The following CHST9 variants were observed in gnomAD, a reference collection of about 807,000 sequenced individuals.
CHST9 encodes GalNAc-4-sulfotransferase 2.
CHST9 carries 41 observed loss-of-function variants against 44.4 expected under a neutral mutation model. That is an observed-to-expected ratio of 0.92 (90% CI 0.72 to 1.20). CHST9 has a LOEUF of 1.20. CHST9 is among the 50% of genes most tolerant of loss of function. The pLI is 0.00. For synonymous variants in CHST9, 171 were observed against 178.4 expected, an observed-to-expected ratio of 0.96 and a Z score of 0.33; for missense variants, 504 against 516.5, an observed-to-expected ratio of 0.98 and a Z score of 0.23.
rs2055412531 is a variant in CHST9, at chr18:26,909,562, C to T, written c.*6697G>A. 1.3e-5 allele frequency: 2 copies of T among 152,140 alleles called. No individual in the cohort carries two copies. Among genetic ancestry groups the T allele is most frequent in the Admixed American group, 1.3e-4 (2 of 15,272 alleles). 9.4% of individuals were successfully genotyped at this position (152,140 alleles called of 1,614,324 possible). A position where few individuals can be genotyped will look rare whatever the true frequency, so the allele number is the denominator to read the frequency against. The stretch of plus-strand genomic sequence containing the variant: ...AATATTGTTCTTTTAAGTTGGTAGA[C>T]ACTCTAGCATTCTGAGTGCATTTTT... On this transcript the variant is annotated 3_prime_UTR_variant, in exon 6 of 6. Transcript: ENST00000618847.
intron 2 of CHST9, among the ~76,000 whole-genome samples, chr18:27,049,835 G>A (rs2057544796): frequency 6.6e-6 from 1 of 152,184 alleles, no homozygotes; most frequent in African/African-American, 2.4e-5. Flanking sequence ...GGCTGAAGCT[G>A]AAGGAGTGAA....
rs2055491102 is a variant in CHST9, at chr18:26,914,890, G to T, written c.*1369C>A. On this transcript the variant is annotated 3_prime_UTR_variant, in exon 6 of 6. Coordinates refer to ENST00000618847, the MANE Select transcript of CHST9 (RefSeq NM_031422.6). ...AAAAGCATTTAAGCAGGGTTTGAAA[G>T]ACTTGTGATTTTCTTAACTCGGGGT... 2.5e-6 allele frequency: 1 copy of T among 397,830 alleles called. No homozygotes were observed. Among genetic ancestry groups the T allele is most frequent in the Non-Finnish European group, 4.4e-6 (1 of 225,538 alleles). The allele number at this position is 397,830 out of a possible 1,614,324, so 24.6% of individuals were successfully genotyped here. A position where few individuals can be genotyped will look rare whatever the true frequency, so the allele number is the denominator to read the frequency against.
intron 4 of CHST9, among the ~76,000 whole-genome samples, chr18:26,986,028 A>G (rs1473102904): frequency 6.6e-6 from 1 of 152,232 alleles, no homozygotes; most frequent in Non-Finnish European, 1.5e-5. Flanking sequence ...TAGGAATACA[A>G]AAACATCCAA....
intron 4 of CHST9, among the ~76,000 whole-genome samples, chr18:26,985,216 T>C (rs892809361): frequency 6.6e-6 from 1 of 152,130 alleles, no homozygotes; most frequent in Non-Finnish European, 1.5e-5. Context: ...TTCATAAGCA[T>C]ATGATTAAGC....
chr18:27,141,366 AAAAC>A (rs1163754520), intron 2 of CHST9, among the ~76,000 whole-genome samples: 1 of 151,820 alleles, frequency 6.6e-6, no homozygotes, highest in Non-Finnish European at 1.5e-5. Context: ...CTCTGTCTCA[AAAAC>A]AAACAAACAA....
Position 26,944,426 on chromosome 18 carries a change from A to G in CHST9, c.203-60T>C, listed in dbSNP as rs1480897564. On this transcript the variant is annotated intron_variant, in intron 4 of 5. Coordinates refer to ENST00000618847, the MANE Select transcript of CHST9 (RefSeq NM_031422.6). ...AGCATGAAAATGAATAAAATGCGGT[A>G]CTGATGCTGCTCTGTTTACAGTAAA... 10 of 1,192,472 alleles carry G rather than the reference A, an allele frequency of 8.4e-6. No homozygotes were observed. In the East Asian group the frequency reaches 2.3e-4, roughly 28 times the overall value. 73.9% of individuals were successfully genotyped at this position (1,192,472 alleles called of 1,614,324 possible). A position where few individuals can be genotyped will look rare whatever the true frequency, so the allele number is the denominator to read the frequency against.
chr18:27,119,113 G>A (rs2058353554), intron 2 of CHST9, among the ~76,000 whole-genome samples: 1 of 152,066 alleles, frequency 6.6e-6, no homozygotes, highest in African/African-American at 2.4e-5. Flanking sequence ...GGGTTGATTA[G>A]AGTTGCCACT....
intron 1 of CHST9, among the ~76,000 whole-genome samples, chr18:27,167,286 C>T (rs556467049): frequency 4.6e-5 from 7 of 152,018 alleles, no homozygotes; most frequent in Admixed American, 2.0e-4. Context: ...AAAACTCTTA[C>T]GTCTGCCTTT....
intron 1 of CHST9, among the ~76,000 whole-genome samples, chr18:27,181,722 T>C (rs1285198619): frequency 6.6e-5 from 10 of 152,250 alleles, no homozygotes; most frequent in African/African-American, 2.2e-4. Context: ...TAAAGTGGGA[T>C]TGAATTTCTC....
Position 26,906,929 on chromosome 18 carries a change from G to A in CHST9, c.*9330C>T, listed in dbSNP as rs2055379240. ...GTATTATGTCCATTCTAGGCTGTTG[G>A]AGATTAAGCCAGGAGGCAGAAAATG... On this transcript the variant is annotated 3_prime_UTR_variant, in exon 6 of 6. Transcript: ENST00000618847. 6.6e-6 allele frequency: 1 copy of A among 152,370 alleles called. No individual in the cohort carries two copies. The highest frequency in any genetic ancestry group is 1.5e-5 in the Non-Finnish European group (1 of 68,096). 9.4% of individuals were successfully genotyped at this position (152,370 alleles called of 1,614,324 possible). A position where few individuals can be genotyped will look rare whatever the true frequency, so the allele number is the denominator to read the frequency against.
At position 27,144,061 on chromosome 18, in the gene CHST9, A is replaced by G. The variant is rs141762882; in HGVS notation, c.-96-1156T>C. On this transcript the variant is annotated intron_variant, in intron 1 of 5. Coordinates refer to ENST00000618847, the MANE Select transcript of CHST9 (RefSeq NM_031422.6). ...AGTAAGCCGTGTGGTGAGCTCACCT[A>G]GTTAGCAGCCCGGCTAATGGGGCCA... Among the ~76,000 whole-genome samples, 10 of 152,340 alleles carry G rather than the reference A, an allele frequency of 6.6e-5. No homozygotes were observed. The East Asian group carries it at 1.9e-3, about 29-fold the overall frequency.
At chr18:26,995,318 G>T (rs545188896) in intron 4 of CHST9, among the ~76,000 whole-genome samples, 1 of 149,990 alleles carries the variant, frequency 6.7e-6, no homozygotes, top group Non-Finnish European at 1.5e-5. Context: ...GGCGCCTGTA[G>T]TCTCAGTTAC....
At chr18:26,946,452 C>CTTTTCCCT (rs1449433855) in intron 4 of CHST9, among the ~76,000 whole-genome samples, 2 of 152,104 alleles carry the variant, frequency 1.3e-5, no homozygotes, top group African/African-American at 4.8e-5. Context: ...GTGAGAGAGG[C>CTTTTCCCT]TACACAGATA....
intron 5 of CHST9, among the ~76,000 whole-genome samples, chr18:26,926,859 A>G (rs1404468118): frequency 6.6e-6 from 1 of 152,244 alleles, no homozygotes; most frequent in Non-Finnish European, 1.5e-5. Flanking sequence ...AACCCAATAA[A>G]TTATATTTGG....
At chr18:27,016,416 G>C (rs2057155053) in intron 4 of CHST9, among the ~76,000 whole-genome samples, 1 of 152,148 alleles carries the variant, frequency 6.6e-6, no homozygotes, top group Non-Finnish European at 1.5e-5. Context: ...GATCCCCCTT[G>C]ATCCAAGTCT....
chr18:26,978,645 C>T (rs2056654628), intron 4 of CHST9, among the ~76,000 whole-genome samples: 1 of 152,218 alleles, frequency 6.6e-6, no homozygotes, highest in Non-Finnish European at 1.5e-5. Context: ...AGTGTTGCTT[C>T]TAACACTTAC....
intron 4 of CHST9, among the ~76,000 whole-genome samples, chr18:27,006,665 C>T (rs1256175262): frequency 6.6e-6 from 1 of 152,192 alleles, no homozygotes. Flanking sequence ...CCTCCTCCAC[C>T]ATTCCAGATT....
At chr18:27,141,616 A>C (rs1379764538) in intron 2 of CHST9, among the ~76,000 whole-genome samples, 29 of 135,496 alleles carry the variant, frequency 2.1e-4, no homozygotes, top group African/African-American at 7.9e-4. Flanking sequence ...AAAAAAAAAA[A>C]GTAGGAGGAT....
chr18:27,049,012 T>A (rs1370361770), intron 2 of CHST9, among the ~76,000 whole-genome samples: 1 of 152,070 alleles, frequency 6.6e-6, no homozygotes, highest in Non-Finnish European at 1.5e-5. Flanking sequence ...GAGATACAAA[T>A]GGGATTTGAG....
Sources: gnomAD v4.1 joint callset for allele counts (sites outside exome capture counted in the v4.1 genomes callset) on GRCh38, gnomAD v4.1.1 for gene constraint, MANE v1.5 for transcripts, NCBI Gene and HGNC (gene_info 2026-07-23, HGNC 2026-07-21) for gene names.